The following GFM2 variants were observed in gnomAD, a reference collection of about 807,000 sequenced individuals.
GFM2 encodes GTP dependent ribosome recycling factor mitochondrial 2, also known as ribosome-releasing factor 2, mitochondrial.
Under a neutral mutation model 95.4 loss-of-function variants are expected in GFM2, and 72 were observed. That is an observed-to-expected ratio of 0.76 (90% CI 0.62 to 0.92). The LOEUF (loss-of-function observed/expected upper bound fraction) is 0.92. Ranked by LOEUF, GFM2 falls within the 40% of genes least tolerant of loss-of-function variation. GFM2 has a pLI of 0.00. For missense variants in GFM2, 825 were observed against 924.1 expected (o/e 0.89, Z 1.39); for synonymous variants, 276 against 317.5 (o/e 0.87, Z 1.39).
intron 11 of GFM2, among the ~76,000 whole-genome samples, chr5:74,740,920 G>C (rs1176784191): frequency 6.6e-6 from 1 of 151,952 alleles, no homozygotes; most frequent in Non-Finnish European, 1.5e-5. Flanking sequence ...GAAATACTTT[G>C]CTTGGCAACT....
rs199843112 is a variant in GFM2 at position 74,750,535 on chromosome 5, A to C, written c.519+44T>G. On this transcript the variant is annotated intron_variant, in intron 7 of 20. Coordinates refer to ENST00000296805, the MANE Select transcript of GFM2 (RefSeq NM_032380.5). Reference sequence around the variant, plus strand: ...ATTTGACATATTCTACTTTTTAAAAAATCATGCTGTTCTAATTCCCTTTAC... The same window carrying C: ...ATTTGACATATTCTACTTTTTAAAACATCATGCTGTTCTAATTCCCTTTAC... The C allele has an allele frequency of 1.1e-5, 15 of 1,391,776 alleles. No individual in the cohort carries two copies. The African/African-American group carries it at 1.9e-4, about 17-fold the overall frequency. The allele number at this position is 1,391,776 out of a possible 1,614,324, so 86.2% of individuals were successfully genotyped here. A position where few individuals can be genotyped will look rare whatever the true frequency, so the allele number is the denominator to read the frequency against.
At chr5:74,731,790 T>C (rs931225391) in intron 16 of GFM2, among the ~76,000 whole-genome samples, 1 of 152,054 alleles carries the variant, frequency 6.6e-6, no homozygotes. Flanking sequence ...CAGAAGAACA[T>C]ATGTTTGGGT....
chr5:74,734,461 G>A, intron 15 of GFM2, among the ~76,000 whole-genome samples: 1 of 152,064 alleles, frequency 6.6e-6, no homozygotes, highest in East Asian at 1.9e-4. Context: ...CAGCAACACT[G>A]GTAATGCCTG....
At chr5:74,733,220 G>A in intron 15 of GFM2, 122 bp from the exon 16 acceptor site, 1 of 659,096 alleles carries the variant, frequency 1.5e-6, no homozygotes, top group Non-Finnish European at 2.6e-6. Flanking sequence ...ACCAGGTGTG[G>A]TGACTCACGT....
At chr5:74,733,591 G>T (rs1337317342) in intron 15 of GFM2, among the ~76,000 whole-genome samples, 1 of 152,136 alleles carries the variant, frequency 6.6e-6, no homozygotes, top group Non-Finnish European at 1.5e-5. Context: ...AGATCAGTGG[G>T]CAAAAGGAAG....
intron 7 of GFM2, 40 bp from the exon 8 acceptor site, chr5:74,747,820 A>T: frequency 8.7e-7 from 1 of 1,143,816 alleles, no homozygotes; most frequent in Non-Finnish European, 1.3e-6. Flanking sequence ...ACTGAACAAA[A>T]GTAACTATGT....
At position 74,745,860 on chromosome 5, in the gene GFM2, G is replaced by GT. The variant is rs1386378106; in HGVS notation, c.670-4dup. ...GTTTTGGCTTCACCAATTGGTAACT[G>GT]TAAGTCAGAGTGAGATTAACATTAT... On this transcript the variant is annotated splice_polypyrimidine_tract_variant and splice_region_variant and intron_variant, in intron 9 of 20. Transcript: ENST00000296805. The GT allele has an allele frequency of 5.0e-6, 8 of 1,606,070 alleles. No individual in the cohort carries two copies. Among genetic ancestry groups the GT allele is most frequent in the African/African-American group, 1.3e-5 (1 of 74,668 alleles).
At chr5:74,738,041 T>C (rs1035067132) in intron 14 of GFM2, among the ~76,000 whole-genome samples, 1 of 152,138 alleles carries the variant, frequency 6.6e-6, no homozygotes, top group Admixed American at 6.5e-5. Flanking sequence ...AAAACACACA[T>C]ATATGTATAT....
At chr5:74,727,033 T>C (rs1750178067) in intron 17 of GFM2, among the ~76,000 whole-genome samples, 1 of 152,090 alleles carries the variant, frequency 6.6e-6, no homozygotes, top group Non-Finnish European at 1.5e-5. Flanking sequence ...CTGAGTATGG[T>C]AGTGCACACC....
In GFM2 at chr5:74,758,888, T is replaced by C; in HGVS notation, c.265A>G (p.Arg89Gly). The C allele has an allele frequency of 4.3e-6, 7 of 1,610,070 alleles. No individual in the cohort carries two copies. Among genetic ancestry groups the C allele is most frequent in the Non-Finnish European group, 6.0e-6 (7 of 1,176,348 alleles). The change falls in exon 5 of 21, where the codon AGA becomes GGA. Residue 89 changes from arginine to glycine, a missense_variant. By Grantham distance (125) the Arg-to-Gly change is moderately radical. Transcript: ENST00000296805. ...GTATATCCGGAATAGTACAATATTCTTTCTGTGGTGGTAGTTTTGCCTGCA... is the reference window on the plus strand; with the variant it reads ...GTATATCCGGAATAGTACAATATTCCTTCTGTGGTGGTAGTTTTGCCTGCA... ...IDAGKTTTTE[R>G]ILYYSGYTRS... is the part of the protein sequence containing the mutation.
chr5:74,732,429 T>A (rs1002910348), intron 16 of GFM2, among the ~76,000 whole-genome samples: 2 of 152,166 alleles, frequency 1.3e-5, no homozygotes, highest in Non-Finnish European at 2.9e-5. Flanking sequence ...ATAACCTTTT[T>A]AAGAAACTCC....
In GFM2 at chr5:74,750,634, C is replaced by T. The variant is rs1265865854; in HGVS notation, c.464G>A (p.Cys155Tyr). The T allele has an allele frequency of 3.1e-6, 5 of 1,613,418 alleles. No homozygotes were observed. In the South Asian group the frequency reaches 3.3e-5, roughly 11 times the overall value. ...CACTGCACCATCCAACACTCTTAGGCACCGCTCAACCTCCAAGGTAAAGTC... is the reference window on the plus strand; with the variant it reads ...CACTGCACCATCCAACACTCTTAGGTACCGCTCAACCTCCAAGGTAAAGTC... ...HVDFTLEVER[C>Y]LRVLDGAVAV... Residue 155 changes from cysteine to tyrosine, a missense_variant, in exon 7 of 21, where the codon TGC (cysteine) becomes TAC (tyrosine). Transcript: ENST00000296805.
intron 10 of GFM2, among the ~76,000 whole-genome samples, chr5:74,745,408 G>A (rs1743329436): frequency 6.6e-6 from 1 of 152,100 alleles, no homozygotes; most frequent in Non-Finnish European, 1.5e-5. Context: ...GATGATTAGT[G>A]GGAGAGAGAG....
chr5:74,762,649 C>T (rs571954143), intron 2 of GFM2, among the ~76,000 whole-genome samples: 33 of 152,262 alleles, frequency 2.2e-4, no homozygotes, highest in African/African-American at 6.0e-4. Context: ...ACTACTCTTG[C>T]GCTCTGGGAC....
intron 15 of GFM2, among the ~76,000 whole-genome samples, chr5:74,735,550 T>C (rs567847263): frequency 2.6e-5 from 4 of 152,228 alleles, no homozygotes; most frequent in East Asian, 1.9e-4. Context: ...CAGTCTAATA[T>C]AGGAATTCAG....
intron 17 of GFM2, among the ~76,000 whole-genome samples, chr5:74,729,191 T>A (rs567747929): frequency 2.2e-4 from 33 of 152,220 alleles, no homozygotes; most frequent in Non-Finnish European, 4.1e-4. Flanking sequence ...CAGGGCACAC[T>A]GGTTCTATGA....
intron 12 of GFM2, among the ~76,000 whole-genome samples, 159 bp downstream of exon 12, chr5:74,739,830 C>T (rs530050403): frequency 1.3e-5 from 2 of 152,178 alleles, no homozygotes; most frequent in East Asian, 3.9e-4. Flanking sequence ...GAAAAATGTT[C>T]CTTTCAAGCA....
intron 17 of GFM2, among the ~76,000 whole-genome samples, chr5:74,728,209 T>C (rs1423164504): frequency 1.3e-5 from 2 of 152,292 alleles, no homozygotes; most frequent in East Asian, 1.9e-4. Flanking sequence ...TGCCTAAATT[T>C]TGACTCCCCT....
Position 74,730,336 on chromosome 5 carries a change from T to G in GFM2, c.1650A>C (p.Glu550Asp), listed in dbSNP as rs1742491804. 2 of 1,612,818 alleles carry G rather than the reference T, an allele frequency of 1.2e-6. No individual in the cohort carries two copies. The highest frequency in any genetic ancestry group is 1.7e-6 in the Non-Finnish European group (2 of 1,178,970). Residue 550 changes from glutamate to aspartate, a missense_variant, in exon 17 of 21, where the codon GAA becomes GAC. Glu to Asp is a conservative substitution (Grantham distance 45). Coordinates refer to ENST00000296805, the MANE Select transcript of GFM2 (RefSeq NM_032380.5). The part of the protein sequence containing the change: ...IEIIHDRIKR[E>D]YGLETYLGPL... Reference sequence around the variant, plus strand: ...GCCCGAGATAGGTCTCCAGTCCATATTCCCTCTTGATTCGATCATGAATAA... The same window carrying G: ...GCCCGAGATAGGTCTCCAGTCCATAGTCCCTCTTGATTCGATCATGAATAA...
Sources: gnomAD v4.1 joint callset for allele counts (sites outside exome capture counted in the v4.1 genomes callset) on GRCh38, gnomAD v4.1.1 for gene constraint, MANE v1.5 for transcripts, NCBI Gene and HGNC (gene_info 2026-07-23, HGNC 2026-07-21) for gene names.